Variants in LIFR observed in about 807,000 individuals in gnomAD.
LIFR encodes the protein leukemia inhibitory factor receptor.
LIFR carries 84 observed loss-of-function variants against 122.2 expected under a neutral mutation model. The ratio of observed to expected loss-of-function variants is 0.69; its 90% CI spans 0.58 to 0.82. The LOEUF (loss-of-function observed/expected upper bound fraction) is 0.82. LIFR is among the 40% of genes least tolerant of loss of function. The pLI, the probability that LIFR is intolerant of heterozygous loss-of-function variation, is 0.00. For missense variants in LIFR, 1,294 were observed against 1,311.6 expected (o/e 0.99, Z 0.21); for synonymous variants, 422 against 434.7 (o/e 0.97, Z 0.36).
At chr5:38,512,017 C>T in intron 5 of LIFR, 53 bp from the exon 6 acceptor site, 1 of 1,569,908 alleles carries the variant, frequency 6.4e-7, no homozygotes, top group Non-Finnish European at 8.7e-7. Context: ...ATATGTTTTG[C>T]TTTCCTTTAG....
intron 3 of LIFR, among the ~76,000 whole-genome samples, chr5:38,528,449 C>T (rs1397506617): frequency 6.6e-6 from 1 of 152,116 alleles, no homozygotes; most frequent in Non-Finnish European, 1.5e-5. Flanking sequence ...GGCCATGTGG[C>T]TTTATTTGGT....
chr5:38,501,397 A>G (rs1188563920), intron 11 of LIFR, among the ~76,000 whole-genome samples: 1 of 152,234 alleles, frequency 6.6e-6, no homozygotes, highest in Non-Finnish European at 1.5e-5. Context: ...TTTTGGAGGA[A>G]GTATTATACT....
chr5:38,510,903 G>T (rs542036677), intron 6 of LIFR, among the ~76,000 whole-genome samples, 185 bp from the exon 7 acceptor site: 1 of 150,492 alleles, frequency 6.6e-6, no homozygotes, highest in African/African-American at 2.4e-5. Flanking sequence ...GGTTTTGTAG[G>T]AGCAAGATAT....
intron 7 of LIFR, among the ~76,000 whole-genome samples, chr5:38,508,957 C>T (rs1273687820): frequency 6.6e-6 from 1 of 152,134 alleles, no homozygotes; most frequent in Non-Finnish European, 1.5e-5. Flanking sequence ...TAAATGAATC[C>T]TGATACCTAA....
In LIFR at chr5:38,573,446, G is replaced by C. The variant is rs542101286; in HGVS notation, c.-20+21815C>G. ...CTGTTACATATTACCATATTACTTAGAACAGAAGTTGATGCATAGTAAGCA... is the reference window on the plus strand; with the variant it reads ...CTGTTACATATTACCATATTACTTACAACAGAAGTTGATGCATAGTAAGCA... On this transcript the variant is annotated intron_variant, in intron 1 of 19. Coordinates refer to the LIFR transcript ENST00000263409. Among the ~76,000 whole-genome samples, 15 of 152,326 alleles carry C rather than the reference G, an allele frequency of 9.8e-5. No homozygotes were observed. In the South Asian group the frequency reaches 3.1e-3, roughly 32 times the overall value.
chr5:38,559,227 T>TA (rs1447669565), upstream of LIFR: 1 of 152,230 alleles, frequency 6.6e-6, no homozygotes, highest in Non-Finnish European at 1.5e-5. Flanking sequence ...CCACATTCCT[T>TA]ACACCATACT....
intron 1 of LIFR, among the ~76,000 whole-genome samples, chr5:38,532,471 C>T (rs958885447): frequency 4.6e-5 from 7 of 152,160 alleles, no homozygotes; most frequent in East Asian, 1.9e-4. Flanking sequence ...GGAACAGGCA[C>T]GCAGACAGTA....
intron 5 of LIFR, among the ~76,000 whole-genome samples, chr5:38,515,232 C>T (rs1236559058): frequency 6.6e-6 from 1 of 152,042 alleles, no homozygotes; most frequent in Non-Finnish European, 1.5e-5. Flanking sequence ...TGCCTCTGGC[C>T]ACAAGCGGTC....
chr5:38,545,468 T>A (rs1010745822), intron 1 of LIFR, among the ~76,000 whole-genome samples: 5 of 152,136 alleles, frequency 3.3e-5, no homozygotes, highest in African/African-American at 1.2e-4. Flanking sequence ...AACTAAAATT[T>A]TTTTTTGTAT....
intron 1 of LIFR, among the ~76,000 whole-genome samples, chr5:38,541,128 T>C (rs1160216054): frequency 1.3e-5 from 2 of 152,200 alleles, no homozygotes; most frequent in Non-Finnish European, 2.9e-5. Flanking sequence ...ATAAAGCCTT[T>C]AGCTCTGGCT....
Position 38,476,203 on chromosome 5 carries a change from T to C in LIFR, c.*5392A>G. On this transcript the variant is annotated 3_prime_UTR_variant, in exon 20 of 20. Coordinates refer to ENST00000453190, the MANE Select transcript of LIFR (RefSeq NM_001127671.2). ...AGAAGAATGTTTTACAAAAATTGTA[T>C]GAAAACCATTATTCAGTGTTCTTTT... 4.8e-6 allele frequency: 1 copy of C among 206,832 alleles called. No homozygotes were observed. Among genetic ancestry groups the C allele is most frequent in the Non-Finnish European group, 9.9e-6 (1 of 101,408 alleles). The allele number at this position is 206,832 out of a possible 1,614,324, so 12.8% of individuals were successfully genotyped here. A position where few individuals can be genotyped will look rare whatever the true frequency, so the allele number is the denominator to read the frequency against.
intron 11 of LIFR, among the ~76,000 whole-genome samples, chr5:38,501,651 GA>G (rs1246638415): frequency 2.6e-5 from 4 of 152,050 alleles, no homozygotes; most frequent in Non-Finnish European, 4.4e-5. Flanking sequence ...TGAGGCAGGA[GA>G]ATCACTTGAA....
intron 5 of LIFR, among the ~76,000 whole-genome samples, chr5:38,521,612 C>T (rs375631420): frequency 3.3e-5 from 5 of 152,278 alleles, no homozygotes; most frequent in African/African-American, 1.2e-4. Flanking sequence ...AGGTGGCTTG[C>T]TTGGATGCTG....
At position 38,553,053 on chromosome 5, in the gene LIFR, C is replaced by T. The variant is rs79392475; in HGVS notation, c.-20+3281G>A. On this transcript the variant is annotated intron_variant, in intron 1 of 19. Transcript: ENST00000453190. Reference sequence around the variant, plus strand: ...CTTGACATGCAACACATATGGGCACCAACCCCAGCCCACTCTTCTTCTGCC... The same window carrying T: ...CTTGACATGCAACACATATGGGCACTAACCCCAGCCCACTCTTCTTCTGCC... 9.3e-3 allele frequency among the ~76,000 whole-genome samples: 1,414 copies of T among 152,230 alleles called. 26 individuals carry two copies. The highest frequency in any genetic ancestry group is 0.032 in the African/African-American group (1,342 of 41,526).
In LIFR at chr5:38,533,596, GT is replaced by G. The variant is rs749806030; in HGVS notation, c.-19-2931del. Among the ~76,000 whole-genome samples the G allele has an allele frequency of 1.8e-4, 27 of 152,344 alleles. 1 individual carries two copies. The highest frequency in any genetic ancestry group is 3.4e-3 in the Middle Eastern group (1 of 294). On this transcript the variant is annotated intron_variant, in intron 1 of 19. Transcript: ENST00000453190. Reference sequence around the variant, plus strand: ...TGCCGAAGAAAATTAGAAAAAAAGAGTTGAGAAAAGTAAAGCTAAATACCAG... The same window carrying G: ...TGCCGAAGAAAATTAGAAAAAAAGAGTGAGAAAAGTAAAGCTAAATACCAG...
intron 2 of LIFR, among the ~76,000 whole-genome samples, chr5:38,601,511 C>T (rs183218480): frequency 6.6e-6 from 1 of 152,172 alleles, no homozygotes; most frequent in Admixed American, 6.5e-5. Flanking sequence ...TCTCCTGGAC[C>T]CTGAGTTCCC....
intron 13 of LIFR, among the ~76,000 whole-genome samples, chr5:38,495,270 C>G (rs935181100): frequency 6.6e-6 from 1 of 152,158 alleles, no homozygotes; most frequent in Non-Finnish European, 1.5e-5. Flanking sequence ...ATAGCTATTG[C>G]CTAGCATTGT....
intron 5 of LIFR, among the ~76,000 whole-genome samples, chr5:38,522,768 A>T (rs944255658): frequency 6.6e-6 from 1 of 152,234 alleles, no homozygotes. Flanking sequence ...TTATCTATGT[A>T]CTTGAGCAAC....
intron 1 of LIFR, among the ~76,000 whole-genome samples, chr5:38,547,154 A>G (rs1329143315): frequency 6.6e-6 from 1 of 152,226 alleles, no homozygotes; most frequent in East Asian, 1.9e-4. Flanking sequence ...AATGTGAGAT[A>G]GAAGTAATAT....
Sources: allele counts gnomAD v4.1 joint callset (sites outside exome capture counted in the v4.1 genomes callset), GRCh38; gene constraint gnomAD v4.1.1; transcripts MANE v1.5; gene names NCBI Gene and HGNC (gene_info 2026-07-23, HGNC 2026-07-21).